Variants in NLRP8 observed in about 807,000 individuals in gnomAD.
NLRP8 encodes the protein NLR family pyrin domain containing 8.
Under a neutral mutation model 88.7 loss-of-function variants are expected in NLRP8, and 86 were observed. That is an observed-to-expected ratio of 0.97 (90% CI 0.81 to 1.16). The LOEUF is 1.16. Among genes scored for constraint, NLRP8 ranks in the 50% most tolerant of loss-of-function variants. The pLI, the probability that NLRP8 is intolerant of heterozygous loss-of-function variation, is 0.00. For synonymous variants in NLRP8, 504 were observed against 494.6 expected, an observed-to-expected ratio of 1.02 and a Z score of -0.25; for missense variants, 1,342 against 1,286.5, an observed-to-expected ratio of 1.04 and a Z score of -0.66.
chr19:55,986,055 A>G (rs879631897), intron 9 of NLRP8, among the ~76,000 whole-genome samples: 2 of 152,130 alleles, frequency 1.3e-5, no homozygotes, highest in Non-Finnish European at 2.9e-5. Context: ...CTTCTGTTTC[A>G]AGATTACTAA....
intron 8 of NLRP8, among the ~76,000 whole-genome samples, chr19:55,976,667 T>A (rs997605120): frequency 1.3e-5 from 2 of 151,432 alleles, no homozygotes; most frequent in Non-Finnish European, 2.9e-5. Context: ...GGTCTGAAAT[T>A]GAATTTTACA....
intron 3 of NLRP8, among the ~76,000 whole-genome samples, chr19:55,958,409 G>A (rs977322470): frequency 6.6e-6 from 1 of 152,202 alleles, no homozygotes; most frequent in South Asian, 2.1e-4. Flanking sequence ...TTTAAGTTCT[G>A]TTCCATTCTT....
chr19:55,971,160 C>T (rs190523049), intron 6 of NLRP8, among the ~76,000 whole-genome samples: 72 of 152,258 alleles, frequency 4.7e-4, no homozygotes, highest in African/African-American at 1.7e-3. Context: ...CATAAAAGGG[C>T]CGGGCACGGT....
chr19:55,983,860 A>G (rs1239653868), intron 9 of NLRP8, among the ~76,000 whole-genome samples: 2 of 149,776 alleles, frequency 1.3e-5, no homozygotes, highest in Non-Finnish European at 3.0e-5. Context: ...ATTCAACATC[A>G]ATTTGCAATT....
At chr19:55,963,567 C>T (rs1979707285) in intron 4 of NLRP8, among the ~76,000 whole-genome samples, 1 of 151,660 alleles carries the variant, frequency 6.6e-6, no homozygotes. Flanking sequence ...CATTTTTTTT[C>T]CAGGTGGGGT....
At chr19:55,968,853 G>A (rs1979955430) in intron 5 of NLRP8, among the ~76,000 whole-genome samples, 1 of 152,310 alleles carries the variant, frequency 6.6e-6, no homozygotes, top group Admixed American at 6.5e-5. Context: ...CTGCTTGCCA[G>A]CTCCTGACCA....
At chr19:55,950,236 C>A (rs1979029678) in intron 1 of NLRP8, among the ~76,000 whole-genome samples, 2 of 150,188 alleles carry the variant, frequency 1.3e-5, no homozygotes, top group African/African-American at 5.0e-5. Context: ...CATGGTGAAA[C>A]CCAGTCTCTA....
chr19:55,948,191 G>T lies in NLRP8; in HGVS notation c.289G>T (p.Ala97Ser), dbSNP rs368945709. The T allele has an allele frequency of 1.9e-6, 3 of 1,614,020 alleles. No individual in the cohort carries two copies. The highest frequency in any genetic ancestry group is 2.7e-5 in the African/African-American group (2 of 74,920). Residue 97 changes from alanine to serine, a missense_variant, in exon 1 of 10, where the codon GCT becomes TCT. Coordinates refer to ENST00000291971, the MANE Select transcript of NLRP8 (RefSeq NM_176811.2). ...GATAGAGCGTTTCCCTGGACGACGC[G>T]CTTGGGATGTGACTTCGAACATCTT...
intron 8 of NLRP8, 124 bp from the exon 9 acceptor site, chr19:55,979,270 A>G (rs1397185329): frequency 1.6e-5 from 17 of 1,051,390 alleles, no homozygotes; most frequent in Non-Finnish European, 2.0e-5. Context: ...AATAGACCAT[A>G]GTTGGAACAA....
chr19:55,972,799 G>T (rs902410951), intron 6 of NLRP8, among the ~76,000 whole-genome samples: 5 of 78,538 alleles, frequency 6.4e-5, no homozygotes, highest in African/African-American at 8.7e-5. Context: ...TGGTGTGTGT[G>T]TGTGTGTGTA....
At chr19:55,977,559 T>TATTTATATATGAAAATATATA (rs1014126200) in intron 8 of NLRP8, among the ~76,000 whole-genome samples, 1 of 146,424 alleles carries the variant, frequency 6.8e-6, no homozygotes, top group African/African-American at 2.5e-5. Flanking sequence ...TATATTAATA[T>TATTTATATATGAAAATATATA]ATTTATATAT....
rs1042297142 is a variant in NLRP8, at chr19:55,962,062, T to C, written c.2043-5T>C. On this transcript the variant is annotated splice_polypyrimidine_tract_variant and splice_region_variant and intron_variant, in intron 3 of 9. Coordinates refer to ENST00000291971, the MANE Select transcript of NLRP8 (RefSeq NM_176811.2). ...GGTGTTTTCTCTCTTCTCCCTTCCA[T>C]GTAGAGCGCCAGAGAGCAATGGGCT... 5.0e-6 allele frequency: 8 copies of C among 1,612,920 alleles called. No homozygotes were observed. Among genetic ancestry groups the C allele is most frequent in the Non-Finnish European group, 6.8e-6 (8 of 1,179,636 alleles).
At chr19:55,970,479 A>G (rs753571913) in intron 5 of NLRP8, 65 bp from the exon 6 acceptor site, 1 of 1,551,288 alleles carries the variant, frequency 6.4e-7, no homozygotes, top group Non-Finnish European at 8.8e-7. Flanking sequence ...AGTGGAATCC[A>G]GGAGGTCCTA....
At chr19:55,977,695 A>G (rs546013480) in intron 8 of NLRP8, among the ~76,000 whole-genome samples, 1 of 151,772 alleles carries the variant, frequency 6.6e-6, no homozygotes, top group African/African-American at 2.4e-5. Flanking sequence ...TTTGGAAAAG[A>G]CTTGTAAACA....
chr19:55,955,050 T>A lies in NLRP8; in HGVS notation c.992T>A (p.Leu331Gln). Residue 331 changes from leucine to glutamine, a missense_variant, in exon 3 of 10, where the codon CTG (leucine) becomes CAG (glutamine). Transcript: ENST00000291971. ...ACGATGCTTCCAGAGGCCACGCTAC[T>A]GATCATGATAAGATTTACCTCTTGG... The A allele has an allele frequency of 6.2e-7, 1 of 1,614,132 alleles. No homozygotes were observed. The highest frequency in any genetic ancestry group is 8.5e-7 in the Non-Finnish European group (1 of 1,180,020).
In NLRP8 at chr19:55,988,523, A is replaced by G. The variant is rs904663148; in HGVS notation, c.*610A>G. 17 of 150,104 alleles carry G rather than the reference A, an allele frequency of 1.1e-4. No homozygotes were observed. Among genetic ancestry groups the G allele is most frequent in the African/African-American group, 4.2e-4 (17 of 40,814 alleles). The allele number at this position is 150,104 out of a possible 1,614,324, so 9.3% of individuals were successfully genotyped here. On this transcript the variant is annotated 3_prime_UTR_variant, in exon 10 of 10. Coordinates refer to ENST00000291971, the MANE Select transcript of NLRP8 (RefSeq NM_176811.2). ...GAGTCACCTAAGACAGGATATAGACAAAGTCTTCATCGTCTTCTTGCTTCT... is the reference window on the plus strand; with the variant it reads ...GAGTCACCTAAGACAGGATATAGACGAAGTCTTCATCGTCTTCTTGCTTCT...
At chr19:55,949,182 G>A (rs753954183) in intron 1 of NLRP8, among the ~76,000 whole-genome samples, 3 of 152,042 alleles carry the variant, frequency 2.0e-5, no homozygotes, top group Admixed American at 6.6e-5. Flanking sequence ...CATTATTATT[G>A]TTAATCTCTT....
intron 9 of NLRP8, chr19:55,987,714 C>A: frequency 1.2e-6 from 1 of 808,408 alleles, no homozygotes; most frequent in Non-Finnish European, 2.1e-6. Flanking sequence ...GGGAGGGGTA[C>A]GGTCTGTAGA....
At chr19:55,973,359 T>G (rs1275081117) in intron 6 of NLRP8, among the ~76,000 whole-genome samples, 5 of 152,232 alleles carry the variant, frequency 3.3e-5, no homozygotes, top group Admixed American at 2.6e-4. Context: ...ATGTATAGAT[T>G]GTAAAGATTT....
Sources: gnomAD v4.1 joint callset for allele counts (sites outside exome capture counted in the v4.1 genomes callset) on GRCh38, gnomAD v4.1.1 for gene constraint, MANE v1.5 for transcripts, NCBI Gene and HGNC (gene_info 2026-07-23, HGNC 2026-07-21) for gene names.